ZSWIM8: variants seen among roughly 807,000 people sequenced by gnomAD.
The protein encoded by ZSWIM8 is zinc finger SWIM domain-containing protein 8.
In ZSWIM8, 27 loss-of-function variants were observed where a neutral mutation model predicts 173.7. The ratio of observed to expected loss-of-function variants is 0.16; its 90% confidence interval spans 0.11 to 0.21. The LOEUF is 0.21. Among genes scored for constraint, ZSWIM8 ranks in the 10% least tolerant of loss-of-function variants. ZSWIM8 has a pLI of 1.00. For synonymous variants in ZSWIM8, 958 were observed against 962.0 expected, an observed-to-expected ratio of 1.00 and a Z score of 0.08; for missense variants, 1,627 against 2,428.8, an observed-to-expected ratio of 0.67 and a Z score of 6.94.
Position 73,800,123 on chromosome 10 carries a change from A to C in ZSWIM8, c.4778A>C (p.His1593Pro), listed in dbSNP as rs1248142854. ...CCTTCCATGGCACCCATCACAGTAC[A>C]TCCCTACCACACAGAGCCAGGGCTT... ...PVPSMAPITV[H>P]PYHTEPGLPL... Residue 1593 changes from histidine (H) to proline (P), a missense_variant, in exon 22 of 26, where the codon CAT (histidine) becomes CCT (proline). Physicochemically the swap from His to Pro is moderately conservative, Grantham distance 77 (BLOSUM62 -2). Coordinates refer to ENST00000604729, the MANE Select transcript of ZSWIM8 (RefSeq NM_001367799.1). The surrounding 1 kb of genome is among the most constrained non-coding windows in gnomAD (Gnocchi z 4.1). The C allele has an allele frequency of 5.6e-6, 9 of 1,613,770 alleles. No individual in the cohort carries two copies. In the Admixed American group the frequency reaches 6.7e-5, roughly 12 times the overall value.
chr10:73,788,465 G>A (rs985935739), intron 1 of ZSWIM8, among the ~76,000 whole-genome samples: 3 of 152,100 alleles, frequency 2.0e-5, no homozygotes, highest in Non-Finnish European at 4.4e-5. Context: ...TGTGGGCTGG[G>A]GATTATCCAG....
chr10:73,795,787 GTC>G, intron 15 of ZSWIM8, 124 bp downstream of exon 15: 1 of 1,105,736 alleles, frequency 9.0e-7, no homozygotes, highest in Non-Finnish European at 1.2e-6. Flanking sequence ...GCGAAACCCC[GTC>G]TCTACCAAAA....
chr10:73,785,750 G>A lies in ZSWIM8; in HGVS notation c.-129G>A, dbSNP rs1423232893. 1.0e-6 allele frequency: 1 copy of A among 980,996 alleles called. No individual in the cohort carries two copies. The highest frequency in any genetic ancestry group is 1.5e-6 in the Non-Finnish European group (1 of 656,454). 60.8% of individuals were successfully genotyped at this position (980,996 alleles called of 1,614,324 possible). ...CCTGAGATTCTCGCCCGGCACGGCC[G>A]CCCTGAGCGCCCCGGCCACCCCCAG... On this transcript the variant is annotated 5_prime_UTR_variant, in exon 1 of 26. Transcript: ENST00000604729.
chr10:73,793,002 CACTT>C (rs1403640811), intron 10 of ZSWIM8, 150 bp downstream of exon 10: 8 of 967,878 alleles, frequency 8.3e-6, no homozygotes, highest in Admixed American at 5.8e-5. Context: ...TCAGTCTACT[CACTT>C]TTCTGCTTCC....
At chr10:73,796,677 A>T in intron 15 of ZSWIM8, 97 bp from the exon 16 acceptor site, 1 of 1,509,140 alleles carries the variant, frequency 6.6e-7, no homozygotes, top group Non-Finnish European at 8.9e-7. Context: ...AGGATGTAGC[A>T]ATTGGCTGTT....
In ZSWIM8 at chr10:73,789,568, T is replaced by C; in HGVS notation, c.630+29T>C. On this transcript the variant is annotated intron_variant, in intron 4 of 25. Transcript: ENST00000604729. This position sits in a 1 kb window ranked among gnomAD's most constrained non-coding sequence, Gnocchi z 6.8. ...AGGCCCTCCCAATTTATCCCGGCCC[T>C]ATCCTACACTCCATCCCCCCCTTCT... 2.5e-6 allele frequency: 4 copies of C among 1,605,742 alleles called. No homozygotes were observed. The highest frequency in any genetic ancestry group is 3.4e-6 in the Non-Finnish European group (4 of 1,176,850).
intron 13 of ZSWIM8, 44 bp from the exon 14 acceptor site, chr10:73,794,497 G>T: frequency 6.4e-7 from 1 of 1,567,294 alleles, no homozygotes; most frequent in Non-Finnish European, 8.7e-7. Context: ...TTTTTCCCAT[G>T]CATGATACTT....
At position 73,800,434 on chromosome 10, in the gene ZSWIM8, C is replaced by T; in HGVS notation, c.4964C>T (p.Pro1655Leu). ...GAGACACACAGTCAGCCAGTCAATC[C>T]CCACAGCCTGCACCACCTGCATGCT... ...EEETHSQPVN[P>L]HSLHHLHAAY... The change falls in exon 23 of 26, where the codon CCC (proline) becomes CTC (leucine). Residue 1655 changes from proline (P) to leucine (L), a missense_variant. Transcript: ENST00000604729. This position sits in a 1 kb window ranked among gnomAD's most constrained non-coding sequence, Gnocchi z 4.1. The T allele has an allele frequency of 6.2e-7, 1 of 1,613,898 alleles. No homozygotes were observed. The highest frequency in any genetic ancestry group is 8.5e-7 in the Non-Finnish European group (1 of 1,179,846).
At position 73,800,791 on chromosome 10, in the gene ZSWIM8, C is replaced by A. The variant is rs759227145; in HGVS notation, c.5122+32C>A. 10 of 1,492,576 alleles carry A rather than the reference C, an allele frequency of 6.7e-6. No homozygotes were observed. Among genetic ancestry groups the A allele is most frequent in the South Asian group, 6.4e-5 (5 of 78,058 alleles). The allele number at this position is 1,492,576 out of a possible 1,614,324, so 92.5% of individuals were successfully genotyped here. On this transcript the variant is annotated intron_variant, in intron 24 of 25. Transcript: ENST00000604729. This position sits in a 1 kb window ranked among gnomAD's most constrained non-coding sequence, Gnocchi z 4.1. ...CCTCCCCTCCCTAGGACCATTGCCC[C>A]CCCCCCACCTGCTCTCCCCACCTTC...
At chr10:73,795,315 T>C (rs1311999482) in intron 14 of ZSWIM8, among the ~76,000 whole-genome samples, 1 of 152,180 alleles carries the variant, frequency 6.6e-6, no homozygotes, top group Non-Finnish European at 1.5e-5. Context: ...AAATGATAAG[T>C]ACATGCTGGG....
chr10:73,794,825 T>C lies in ZSWIM8; in HGVS notation c.2908+186T>C, dbSNP rs1334225605. 1.0e-5 allele frequency: 5 copies of C among 501,452 alleles called. 1 individual carries two copies. The highest frequency in any genetic ancestry group is 4.4e-5 in the South Asian group (2 of 45,186). The allele number at this position is 501,452 out of a possible 1,614,324, so 31.1% of individuals were successfully genotyped here. A position where few individuals can be genotyped will look rare whatever the true frequency, so the allele number is the denominator to read the frequency against. The stretch of plus-strand genomic sequence containing the variant: ...CTATATGGCTGGGCGTGGTGGCCCA[T>C]GCTTGTAATCGCAGCGCTTTGGGAG... On this transcript the variant is annotated intron_variant, in intron 14 of 25. Coordinates refer to ENST00000604729, the MANE Select transcript of ZSWIM8 (RefSeq NM_001367799.1).
chr10:73,800,534 C>G lies in ZSWIM8; in HGVS notation c.5002+62C>G, dbSNP rs928543300. On this transcript the variant is annotated intron_variant, in intron 23 of 25. Coordinates refer to ENST00000604729, the MANE Select transcript of ZSWIM8 (RefSeq NM_001367799.1). This position sits in a 1 kb window ranked among gnomAD's most constrained non-coding sequence, Gnocchi z 4.1. ...TTGTGCCAGTGGCTCTTCAGAGGAC[C>G]CTTCCTCTAGCTCTTCATTTGTTTA... is the stretch of plus-strand genomic sequence containing the variant. 6.2e-7 allele frequency: 1 copy of G among 1,604,032 alleles called. No individual in the cohort carries two copies. Among genetic ancestry groups the G allele is most frequent in the Non-Finnish European group, 8.5e-7 (1 of 1,173,970 alleles).
rs1025824977 is a variant in ZSWIM8 at position 73,791,584 on chromosome 10, C to T, written c.1319+85C>T. On this transcript the variant is annotated intron_variant, in intron 9 of 25. Coordinates refer to ENST00000604729, the MANE Select transcript of ZSWIM8 (RefSeq NM_001367799.1). The surrounding 1 kb of genome is among the most constrained non-coding windows in gnomAD (Gnocchi z 6.0). ...GCCTTCATCTCCTTGTTTGCAGAGA[C>T]ATACCATGATTTTAGTCCTCGGGAA... is the stretch of plus-strand genomic sequence containing the variant. 197 of 1,404,520 alleles carry T rather than the reference C, an allele frequency of 1.4e-4. No individual in the cohort carries two copies. The highest frequency in any genetic ancestry group is 5.0e-4 in the Admixed American group (19 of 37,760). The allele number at this position is 1,404,520 out of a possible 1,614,324, so 87.0% of individuals were successfully genotyped here.
Position 73,801,354 on chromosome 10 carries a change from C to G in ZSWIM8, c.5340C>G (p.Asp1780Glu). The G allele has an allele frequency of 6.2e-7, 1 of 1,614,000 alleles. No homozygotes were observed. ...GCTTGATTCACCTGACTCCTGCGGA[C>G]TACGACGACTTTGTGAATGCGATCC... Reference protein sequence around the residue: ...HHRLIHLTPADYDDFVNAIRS... With the variant: ...HHRLIHLTPAEYDDFVNAIRS... The change falls in exon 26 of 26, where the codon GAC becomes GAG. Residue 1780 changes from aspartate (D) to glutamate (E), a missense_variant. Transcript: ENST00000604729. This position sits in a 1 kb window ranked among gnomAD's most constrained non-coding sequence, Gnocchi z 4.9.
rs776752126 is a variant in ZSWIM8 at position 73,799,997 on chromosome 10, C to T, written c.4666-14C>T. On this transcript the variant is annotated splice_polypyrimidine_tract_variant and intron_variant, in intron 21 of 25. Transcript: ENST00000604729. ...CAAGTTTGGCATCTTCCCCTTTCTT[C>T]TCCCTGCCCCTAGGGTGTGCATCCT... 12 of 1,609,436 alleles carry T rather than the reference C, an allele frequency of 7.5e-6. No individual in the cohort carries two copies. Among genetic ancestry groups the T allele is most frequent in the Non-Finnish European group, 8.5e-6 (10 of 1,177,548 alleles).
intron 14 of ZSWIM8, 142 bp from the exon 15 acceptor site, chr10:73,795,397 G>C (rs754646042): frequency 4.4e-5 from 58 of 1,311,984 alleles, no homozygotes; most frequent in Non-Finnish European, 5.6e-5. Flanking sequence ...AATAGTCAAC[G>C]AAGACTTCTA....
intron 1 of ZSWIM8, 156 bp downstream of exon 1, chr10:73,786,242 C>T: frequency 1.2e-6 from 1 of 852,502 alleles, no homozygotes; most frequent in Non-Finnish European, 1.7e-6. Context: ...CGACTGGGAG[C>T]TGTCCCAAGC....
intron 1 of ZSWIM8, 76 bp from the exon 2 acceptor site, chr10:73,788,594 G>A (rs753388026): frequency 2.1e-5 from 32 of 1,545,900 alleles, no homozygotes; most frequent in Non-Finnish European, 2.8e-5. Context: ...ATGTTGTACT[G>A]GCATGAGTGC....
At position 73,800,959 on chromosome 10, in the gene ZSWIM8, TG is replaced by T; in HGVS notation, c.5123-55del. On this transcript the variant is annotated intron_variant, in intron 24 of 25. Transcript: ENST00000604729. This position sits in a 1 kb window ranked among gnomAD's most constrained non-coding sequence, Gnocchi z 4.1. ...CAGGCCAGAGCTGAGATCTGTAAGTTGGGTCCCTAGGGCAGAGGTGGCCACC... is the reference window on the plus strand; with the variant it reads ...CAGGCCAGAGCTGAGATCTGTAAGTTGGTCCCTAGGGCAGAGGTGGCCACC... 2 of 1,474,914 alleles carry T rather than the reference TG, an allele frequency of 1.4e-6. No homozygotes were observed. The highest frequency in any genetic ancestry group is 2.6e-5 in the South Asian group (2 of 77,902). 91.4% of individuals were successfully genotyped at this position (1,474,914 alleles called of 1,614,324 possible). A position where few individuals can be genotyped will look rare whatever the true frequency, so the allele number is the denominator to read the frequency against.
Sources: allele counts gnomAD v4.1 joint callset (sites outside exome capture counted in the v4.1 genomes callset), GRCh38; gene constraint gnomAD v4.1.1; non-coding constraint Gnocchi (gnomAD v3.1); transcripts MANE v1.5; gene names NCBI Gene and HGNC (gene_info 2026-07-23, HGNC 2026-07-21).